The following TMEM132B variants were observed in gnomAD, a reference collection of about 807,000 sequenced individuals.
TMEM132B encodes the protein transmembrane protein 132B.
Under a neutral mutation model 90.8 loss-of-function variants are expected in TMEM132B, and 18 were observed. The ratio of observed to expected loss-of-function variants is 0.20; its 90% CI spans 0.14 to 0.29. The LOEUF (loss-of-function observed/expected upper bound fraction) is 0.29. TMEM132B is among the 10% of genes least tolerant of loss of function. TMEM132B has a pLI of 1.00. For missense variants in TMEM132B, 1,096 were observed against 1,326.8 expected, an observed-to-expected ratio of 0.83 and a Z score of 2.70; for synonymous variants, 504 against 523.3, an observed-to-expected ratio of 0.96 and a Z score of 0.50.
At chr12:125,208,148 A>C (rs189068845) in intron 1 of TMEM132B, among the ~76,000 whole-genome samples, 1 of 152,318 alleles carries the variant, frequency 6.6e-6, no homozygotes, top group East Asian at 1.9e-4. Flanking sequence ...GCTTGAACCC[A>C]CATCTCCCTG....
chr12:125,424,209 G>A (rs1011788658), intron 3 of TMEM132B, among the ~76,000 whole-genome samples: 2 of 151,938 alleles, frequency 1.3e-5, no homozygotes, highest in African/African-American at 4.8e-5. Context: ...AGCATAAAAT[G>A]TCTGTCAAAT....
intron 2 of TMEM132B, among the ~76,000 whole-genome samples, chr12:125,367,920 C>T (rs1878180904): frequency 6.6e-6 from 1 of 151,580 alleles, no homozygotes. Flanking sequence ...TTTCTTTATT[C>T]CTTCTTTCTT....
intron 4 of TMEM132B, among the ~76,000 whole-genome samples, chr12:125,521,224 T>G (rs373775086): frequency 6.6e-6 from 1 of 152,168 alleles, no homozygotes; most frequent in South Asian, 2.1e-4. Flanking sequence ...TCCTTCCTCC[T>G]TCTCTTCCTC....
chr12:125,248,584 AG>A (rs1373924803), intron 1 of TMEM132B, among the ~76,000 whole-genome samples: 1 of 152,200 alleles, frequency 6.6e-6, no homozygotes, highest in African/African-American at 2.4e-5. Flanking sequence ...GTTGTGTCTG[AG>A]TGTGCCCCAT....
chr12:125,424,610 T>C (rs953989862), intron 3 of TMEM132B, among the ~76,000 whole-genome samples: 1 of 152,206 alleles, frequency 6.6e-6, no homozygotes, highest in Non-Finnish European at 1.5e-5. Flanking sequence ...GACTCTAATC[T>C]GGAGAAGGAT....
At chr12:125,334,011 GA>G (rs35664460) in intron 1 of TMEM132B, among the ~76,000 whole-genome samples, 1 of 151,992 alleles carries the variant, frequency 6.6e-6, no homozygotes, top group Non-Finnish European at 1.5e-5. Context: ...CAAAATCAGG[GA>G]AAAAATGCCA....
intron 3 of TMEM132B, among the ~76,000 whole-genome samples, chr12:125,433,326 G>A (rs1283334112): frequency 6.6e-6 from 1 of 152,092 alleles, no homozygotes; most frequent in Non-Finnish European, 1.5e-5. Flanking sequence ...AATGCTGGAA[G>A]CCTTTAAGAA....
chr12:125,522,851 C>T (rs559831818), intron 4 of TMEM132B, among the ~76,000 whole-genome samples: 8 of 152,182 alleles, frequency 5.3e-5, no homozygotes, highest in East Asian at 3.8e-4. Flanking sequence ...AGCCTAATAT[C>T]GTGCCCATTG....
intron 1 of TMEM132B, among the ~76,000 whole-genome samples, chr12:125,260,491 A>G (rs1187583742): frequency 1.3e-5 from 2 of 150,260 alleles, no homozygotes; most frequent in Non-Finnish European, 3.0e-5. Flanking sequence ...AGCTGGGACC[A>G]TAGGTCTTGC....
rs1253854430 is a variant in TMEM132B, at chr12:125,498,023, CA to C, written c.1107-21415del. ...CACCATCCTGACTGTCATCCTTCAC[CA>C]CGCCAAAGGGGAAGAGAGCCCTGAA... On this transcript the variant is annotated intron_variant, in intron 3 of 8. Coordinates refer to ENST00000682704, the MANE Select transcript of TMEM132B (RefSeq NM_001366854.1). The surrounding 1 kb of genome is among the most constrained non-coding windows in gnomAD (Gnocchi z 4.5). 2.6e-5 allele frequency among the ~76,000 whole-genome samples: 4 copies of C among 152,164 alleles called. No homozygotes were observed. The highest frequency in any genetic ancestry group is 5.9e-5 in the Non-Finnish European group (4 of 68,036).
intron 3 of TMEM132B, among the ~76,000 whole-genome samples, chr12:125,423,344 C>T (rs1880221857): frequency 6.6e-6 from 1 of 152,176 alleles, no homozygotes; most frequent in Admixed American, 6.5e-5. Context: ...GCCAGGATCC[C>T]ATGTAGGGAA....
intron 1 of TMEM132B, among the ~76,000 whole-genome samples, chr12:125,238,366 C>CAAAAAAAAAAAAAAAAA (rs762032967): frequency 3.3e-4 from 37 of 111,538 alleles, no homozygotes; most frequent in Non-Finnish European, 4.8e-4. Flanking sequence ...AAAAAAAAAC[C>CAAAAAAAAAAAAAAAAA]AAAAAAAAAA....
At chr12:125,274,496 C>T (rs953506215) in intron 1 of TMEM132B, among the ~76,000 whole-genome samples, 4 of 152,204 alleles carry the variant, frequency 2.6e-5, no homozygotes, top group Admixed American at 1.3e-4. Flanking sequence ...CCCGCTCTGG[C>T]GACACAGAGG....
chr12:125,214,833 G>T (rs187602178), intron 1 of TMEM132B, among the ~76,000 whole-genome samples: 85 of 152,318 alleles, frequency 5.6e-4, no homozygotes, highest in Admixed American at 2.0e-3. Flanking sequence ...CTTCCAGATG[G>T]ATTTGGACAA....
Position 125,421,297 on chromosome 12 carries a change from A to G in TMEM132B, c.1106+5620A>G, listed in dbSNP as rs141240355. On this transcript the variant is annotated intron_variant, in intron 3 of 8. Coordinates refer to ENST00000682704, the MANE Select transcript of TMEM132B (RefSeq NM_001366854.1). ...ATAAAGACATACCTAAGACTGGGTA[A>G]TTTATAAAGGAAAGAGGTCTAATTG... 4.4e-3 allele frequency among the ~76,000 whole-genome samples: 671 copies of G among 152,332 alleles called. 8 individuals carry two copies. The highest frequency in any genetic ancestry group is 0.016 in the African/African-American group (658 of 41,572).
intron 2 of TMEM132B, among the ~76,000 whole-genome samples, chr12:125,396,653 C>T (rs1004297570): frequency 7.9e-5 from 12 of 152,034 alleles, no homozygotes; most frequent in African/African-American, 2.4e-4. Context: ...ACTGCAGGCA[C>T]GTGCCACCAC....
At chr12:125,232,694 T>A (rs1267953470) in intron 1 of TMEM132B, among the ~76,000 whole-genome samples, 1 of 152,226 alleles carries the variant, frequency 6.6e-6, no homozygotes, top group Non-Finnish European at 1.5e-5. Flanking sequence ...CTCTCATAAA[T>A]GTGTAAGTAG....
intron 4 of TMEM132B, among the ~76,000 whole-genome samples, chr12:125,547,890 C>G (rs773343995): frequency 6.6e-6 from 1 of 152,102 alleles, no homozygotes; most frequent in Non-Finnish European, 1.5e-5. Flanking sequence ...CATGTGCAGC[C>G]CCGAGTTAGC....
At chr12:125,561,289 G>A (rs200307116) in intron 4 of TMEM132B, among the ~76,000 whole-genome samples, 6 of 151,526 alleles carry the variant, frequency 4.0e-5, no homozygotes, top group East Asian at 1.9e-4. Context: ...ACCAAACACC[G>A]CATGTTCTCA....
Sources: gnomAD v4.1 joint callset for allele counts (sites outside exome capture counted in the v4.1 genomes callset) on GRCh38, gnomAD v4.1.1 for gene constraint, Gnocchi (gnomAD v3.1) non-coding constraint, MANE v1.5 for transcripts, NCBI Gene and HGNC (gene_info 2026-07-23, HGNC 2026-07-21) for gene names.